Variants in SON observed in about 807,000 individuals in gnomAD.
The protein encoded by SON is protein SON.
Under a neutral mutation model 173.3 loss-of-function variants are expected in SON, and 4 were observed. That is an observed-to-expected ratio of 0.02 (90% CI 0.01 to 0.05). The LOEUF is 0.05. Among genes scored for constraint, SON ranks in the 10% least tolerant of loss-of-function variants. SON has a pLI of 1.00. For synonymous variants in SON, 1,190 were observed against 1,105.9 expected (o/e 1.08, Z -1.51); for missense variants, 2,626 against 3,055.3 (o/e 0.86, Z 3.31).
intron 3 of SON, among the ~76,000 whole-genome samples, chr21:33,556,842 T>A (rs11910452): frequency 1.5e-3 from 234 of 151,916 alleles, no homozygotes; most frequent in African/African-American, 5.4e-3. Flanking sequence ...TCTTAGAGTG[T>A]GTGTAGTAGG....
chr21:33,573,069 AC>A (rs1236331061), intron 8 of SON: 1 of 373,628 alleles, frequency 2.7e-6, no homozygotes. Context: ...CACGAGGGCT[AC>A]TGTTTCAAAA....
intron 8 of SON, chr21:33,569,555 G>C (rs547643117): frequency 4.9e-6 from 2 of 408,342 alleles, no homozygotes; most frequent in East Asian, 1.9e-4. Flanking sequence ...CTTTGCCCTC[G>C]CACCCCACCC....
Position 33,553,697 on chromosome 21 carries a change from T to A in SON, c.4466T>A (p.Leu1489Gln). 6.2e-7 allele frequency: 1 copy of A among 1,614,034 alleles called. No homozygotes were observed. Among genetic ancestry groups the A allele is most frequent in the Non-Finnish European group, 8.5e-7 (1 of 1,180,010 alleles). Residue 1489 changes from leucine to glutamine, a missense_variant, in exon 3 of 12, where the codon CTA (leucine) becomes CAA (glutamine). This residue lies in a region of SON where 1,006 missense variants were observed against 895.6 expected (regional missense o/e 1.12). Coordinates refer to ENST00000356577, the MANE Select transcript of SON (RefSeq NM_138927.4). Reference protein sequence around the residue: ...MSSHVMKGINLSSGDQNLAPE... With the variant: ...MSSHVMKGINQSSGDQNLAPE... Reference sequence around the variant, plus strand: ...TCACATGTTATGAAAGGAATTAATCTATCCTCTGGTGATCAAAATCTTGCT... The same window carrying A: ...TCACATGTTATGAAAGGAATTAATCAATCCTCTGGTGATCAAAATCTTGCT...
intron 1 of SON, among the ~76,000 whole-genome samples, chr21:33,544,804 A>G (rs566499010): frequency 2.2e-4 from 33 of 152,238 alleles, no homozygotes; most frequent in Admixed American, 9.2e-4. Context: ...TTTTAAAACC[A>G]TAATTACTTT....
chr21:33,547,764 G>C, intron 2 of SON, among the ~76,000 whole-genome samples: 1 of 139,724 alleles, frequency 7.2e-6, no homozygotes, highest in South Asian at 2.3e-4. Context: ...GCCCAGGCTG[G>C]AGTGCAGTGG....
At chr21:33,557,900 T>A in intron 4 of SON, 1 of 235,812 alleles carries the variant, frequency 4.2e-6, no homozygotes, top group Non-Finnish European at 8.2e-6. Flanking sequence ...TAAACACACT[T>A]ATTTTTGTTT....
intron 6 of SON, among the ~76,000 whole-genome samples, chr21:33,561,198 C>G (rs1196794295): frequency 6.6e-6 from 1 of 152,270 alleles, no homozygotes; most frequent in African/African-American, 2.4e-5. Context: ...GTTATGCCAT[C>G]ACCAGTTAAG....
rs1284883592 is a variant in SON at position 33,557,166 on chromosome 21, A to G, written c.6171A>G (p.Gln2057=). 4.3e-6 allele frequency: 7 copies of G among 1,609,774 alleles called. No homozygotes were observed. The highest frequency in any genetic ancestry group is 5.9e-6 in the Non-Finnish European group (7 of 1,179,340). Residue 2057 remains glutamine (Q), a synonymous_variant, in exon 4 of 12, where the codon CAA becomes CAG. Transcript: ENST00000356577. ...TTTTTCTTCTTACAGATAAGGCTCAATTACTTGAAATAGCCAAAGCTAATG... is the reference window on the plus strand; with the variant it reads ...TTTTTCTTCTTACAGATAAGGCTCAGTTACTTGAAATAGCCAAAGCTAATG... ...PKRLTDLDKA[Q]LLEIAKANAA... is the part of the protein sequence containing the mutation.
Position 33,551,288 on chromosome 21 carries a change from C to G in SON, c.2057C>G (p.Thr686Arg), listed in dbSNP as rs766074615. 1.2e-6 allele frequency: 2 copies of G among 1,613,994 alleles called. No homozygotes were observed. The highest frequency in any genetic ancestry group is 3.3e-5 in the Admixed American group (2 of 60,006). The change falls in exon 3 of 12, where the codon ACG becomes AGG. Residue 686 changes from threonine (T) to arginine (R), a missense_variant. Thr to Arg is a moderately conservative substitution (Grantham distance 71). Transcript: ENST00000356577. ...PSTTALESYN[T>R]VAQELPTTLV... is the part of the protein sequence containing the mutation. ...ACGACAGCGCTGGAATCCTATAATA[C>G]GGTAGCACAGGAGCTGCCTACTACA...
rs759788694 is a variant in SON at position 33,559,311 on chromosome 21, G to C, written c.6403G>C (p.Glu2135Gln). The C allele has an allele frequency of 1.2e-6, 2 of 1,612,574 alleles. No individual in the cohort carries two copies. The highest frequency in any genetic ancestry group is 1.7e-6 in the Non-Finnish European group (2 of 1,179,176). The stretch of plus-strand genomic sequence containing the variant: ...TCATGTTTCGGATGAAGAGGAAGAA[G>C]AACCTCCTTTTTATCATCATCCCTT... ...KPHVSDEEEE[E>Q]PPFYHHPFKL... The change falls in exon 5 of 12, where the codon GAA (glutamate) becomes CAA (glutamine). Residue 2135 changes from glutamate to glutamine, a missense_variant. Transcript: ENST00000356577. This position sits in a 1 kb window ranked among gnomAD's most constrained non-coding sequence, Gnocchi z 4.1.
intron 6 of SON, among the ~76,000 whole-genome samples, chr21:33,562,620 CTG>C (rs1311870985): frequency 2.6e-5 from 4 of 152,296 alleles, no homozygotes; most frequent in African/African-American, 9.6e-5. Flanking sequence ...ACTCATCAGA[CTG>C]TGTGCGGTAC....
At chr21:33,543,500 C>T (rs1159032169) in intron 1 of SON, 35 of 326,526 alleles carry the variant, frequency 1.1e-4, no homozygotes, top group South Asian at 9.4e-4. Flanking sequence ...GGCCTAGTTC[C>T]TTCCTCAGCT....
chr21:33,543,508 G>T (rs909365990), intron 1 of SON: 2 of 289,354 alleles, frequency 6.9e-6, no homozygotes, highest in Admixed American at 9.9e-5. Context: ...TCCTTCCTCA[G>T]CTCCTCCTCC....
Position 33,550,288 on chromosome 21 carries a change from T to A in SON, c.1057T>A (p.Ser353Thr), listed in dbSNP as rs1196431449. ...AGACGTACCATCGGAGATTGCAGATTCATCCATGACAAGACCGCAGGAGTT... is the reference window on the plus strand; with the variant it reads ...AGACGTACCATCGGAGATTGCAGATACATCCATGACAAGACCGCAGGAGTT... The part of the protein sequence containing the change: ...PVDVPSEIAD[S>T]SMTRPQELPE... Residue 353 changes from serine (S) to threonine (T), a missense_variant, in exon 3 of 12, where the codon TCA becomes ACA. Physicochemically the swap from Ser to Thr is moderately conservative, Grantham distance 58 (BLOSUM62 1). Around this residue, in one of 13 missense-constraint regions of SON, gnomAD observed 757 missense variants for 730.1 expected, o/e 1.04. Coordinates refer to ENST00000356577, the MANE Select transcript of SON (RefSeq NM_138927.4). The A allele has an allele frequency of 3.7e-6, 6 of 1,613,892 alleles. No individual in the cohort carries two copies. The highest frequency in any genetic ancestry group is 3.3e-5 in the Admixed American group (2 of 60,000).
Position 33,550,010 on chromosome 21 carries a change from C to A in SON, c.779C>A (p.Ser260Tyr), listed in dbSNP as rs1371764645. The A allele has an allele frequency of 1.9e-6, 3 of 1,614,166 alleles. No homozygotes were observed. The South Asian group carries it at 3.3e-5, about 18-fold the overall frequency. The change falls in exon 3 of 12, where the codon TCT becomes TAT. Residue 260 changes from serine to tyrosine, a missense_variant. Ser to Tyr is a moderately radical substitution (Grantham distance 144). This residue lies in a region of SON where 757 missense variants were observed against 730.1 expected (regional missense o/e 1.04). Coordinates refer to ENST00000356577, the MANE Select transcript of SON (RefSeq NM_138927.4). Reference protein sequence around the residue: ...VPTTTLVLKSSEPVVTMSVEY... With the variant: ...VPTTTLVLKSYEPVVTMSVEY... ...ACTACAACACTGGTGTTGAAGTCAT[C>A]TGAGCCAGTTGTAACAATGTCAGTG...
At chr21:33,565,154 G>A (rs532099813) in intron 6 of SON, among the ~76,000 whole-genome samples, 2 of 152,076 alleles carry the variant, frequency 1.3e-5, no homozygotes, top group South Asian at 2.1e-4. Context: ...AAGAACATTC[G>A]CAGGTGTAAT....
Position 33,551,519 on chromosome 21 carries a change from C to G in SON, c.2288C>G (p.Ser763Cys), listed in dbSNP as rs982492771. The change falls in exon 3 of 12, where the codon TCC (serine) becomes TGC (cysteine). Residue 763 changes from serine to cysteine, a missense_variant. Coordinates refer to ENST00000356577, the MANE Select transcript of SON (RefSeq NM_138927.4). ...ATGTTAGCGTCTAGCACCATGGACTCCCAGATGTTAGCAACTAGCTCCATG... is the reference window on the plus strand; with the variant it reads ...ATGTTAGCGTCTAGCACCATGGACTGCCAGATGTTAGCAACTAGCTCCATG... The part of the protein sequence containing the change: ...SQMLASSTMD[S>C]QMLATSSMDS... The G allele has an allele frequency of 3.1e-6, 5 of 1,613,880 alleles. No individual in the cohort carries two copies. Among genetic ancestry groups the G allele is most frequent in the Non-Finnish European group, 4.2e-6 (5 of 1,179,898 alleles).
At position 33,572,721 on chromosome 21, in the gene SON, A is replaced by G. The variant is rs1427443553; in HGVS notation, c.6886-587A>G. 5.3e-6 allele frequency: 3 copies of G among 565,002 alleles called. No individual in the cohort carries two copies. The East Asian group carries it at 2.3e-4, about 43-fold the overall frequency. 35.0% of individuals were successfully genotyped at this position (565,002 alleles called of 1,614,324 possible). A position where few individuals can be genotyped will look rare whatever the true frequency, so the allele number is the denominator to read the frequency against. ...AAATTCATTTTGGCATACTTACAGG[A>G]TATTTTATGTGATTGTTTTCTATTT... On this transcript the variant is annotated intron_variant, in intron 8 of 11. Transcript: ENST00000356577.
intron 8 of SON, among the ~76,000 whole-genome samples, chr21:33,570,765 T>C (rs2086267210): frequency 6.6e-6 from 1 of 152,162 alleles, no homozygotes; most frequent in African/African-American, 2.4e-5. Flanking sequence ...AAATAAAGCT[T>C]ATGGGTGTTA....
Sources: allele counts gnomAD v4.1 joint callset (sites outside exome capture counted in the v4.1 genomes callset), GRCh38; gene constraint gnomAD v4.1.1; regional missense constraint gnomAD v4.1.1; non-coding constraint Gnocchi (gnomAD v3.1); transcripts MANE v1.5; gene names NCBI Gene and HGNC (gene_info 2026-07-23, HGNC 2026-07-21).